Variants in DSCAM observed in about 807,000 individuals in gnomAD.
DSCAM encodes the protein DS cell adhesion molecule.
In DSCAM, 47 loss-of-function variants were observed where a neutral mutation model predicts 217.7. The ratio of observed to expected loss-of-function variants is 0.22; its 90% CI spans 0.17 to 0.28. The LOEUF is 0.28. Among genes scored for constraint, DSCAM ranks in the 10% least tolerant of loss-of-function variants. The pLI is 1.00. For missense variants in DSCAM, 2,080 were observed against 2,618.3 expected (o/e 0.79, Z 4.49); for synonymous variants, 1,056 against 1,015.3 (o/e 1.04, Z -0.76).
At chr21:40,349,312 G>T (rs1013951855) in intron 5 of DSCAM, among the ~76,000 whole-genome samples, 2 of 150,770 alleles carry the variant, frequency 1.3e-5, no homozygotes, top group African/African-American at 4.9e-5. Context: ...ACACACAATT[G>T]TGAGGAAAAA....
At chr21:40,582,187 C>A (rs1336042748) in intron 3 of DSCAM, among the ~76,000 whole-genome samples, 1 of 152,140 alleles carries the variant, frequency 6.6e-6, no homozygotes, top group African/African-American at 2.4e-5. Context: ...ATCCATAAAT[C>A]AGTTCTTCTT....
chr21:40,671,506 C>T (rs536308688), intron 3 of DSCAM, among the ~76,000 whole-genome samples: 1 of 151,480 alleles, frequency 6.6e-6, no homozygotes. Flanking sequence ...AAACTCCCCC[C>T]CCGCACCGTC....
intron 3 of DSCAM, among the ~76,000 whole-genome samples, chr21:40,596,869 C>CAT (rs3070786): frequency 0.13 from 19,178 of 150,788 alleles, 1,303 homozygotes; most frequent in South Asian, 0.23. Flanking sequence ...ACAAATATTT[C>CAT]ATATATATAT....
chr21:40,781,166 G>A (rs1157962484), intron 1 of DSCAM, among the ~76,000 whole-genome samples: 1 of 151,874 alleles, frequency 6.6e-6, no homozygotes, highest in African/African-American at 2.4e-5. Flanking sequence ...GTGCCACCAT[G>A]CCCGGGTAAT....
intron 11 of DSCAM, among the ~76,000 whole-genome samples, chr21:40,262,157 T>G (rs557826038): frequency 6.6e-6 from 1 of 152,250 alleles, no homozygotes; most frequent in Admixed American, 6.5e-5. Flanking sequence ...AGAATAAAAC[T>G]TACCTTGCTA....
At chr21:40,630,535 G>C (rs1490045236) in intron 3 of DSCAM, 4 of 152,184 alleles carry the variant, frequency 2.6e-5, no homozygotes, top group Non-Finnish European at 5.9e-5. Flanking sequence ...CTGACCTCAA[G>C]TGATTCTCCC....
chr21:40,029,808 G>A (rs1489486830), intron 32 of DSCAM, among the ~76,000 whole-genome samples: 1 of 152,058 alleles, frequency 6.6e-6, no homozygotes, highest in Admixed American at 6.5e-5. Context: ...CCCACCCCCA[G>A]CTTCACTTAC....
intron 1 of DSCAM, among the ~76,000 whole-genome samples, chr21:40,755,368 C>T (rs1227834064): frequency 6.6e-6 from 1 of 152,148 alleles, no homozygotes; most frequent in African/African-American, 2.4e-5. Flanking sequence ...ATTGCTTGAA[C>T]CCGGGAGGCA....
intron 1 of DSCAM, among the ~76,000 whole-genome samples, chr21:40,715,957 G>T (rs1332992391): frequency 6.6e-6 from 1 of 152,100 alleles, no homozygotes; most frequent in African/African-American, 2.4e-5. Context: ...AAGAAACATT[G>T]CTTAATTAAA....
rs186846361 is a variant in DSCAM at position 40,842,771 on chromosome 21, C to A, written c.43+3848G>T. Among the ~76,000 whole-genome samples, 35 of 152,280 alleles carry A rather than the reference C, an allele frequency of 2.3e-4. 1 individual carries two copies. Among genetic ancestry groups the A allele is most frequent in the Middle Eastern group, 3.4e-3 (1 of 294 alleles). On this transcript the variant is annotated intron_variant, in intron 1 of 32. Coordinates refer to ENST00000400454, the MANE Select transcript of DSCAM (RefSeq NM_001389.5). ...GTTCCCCTACCAGAATGCTGTATTG[C>A]GCTGGTTCTGCCCCCCGTGACTCAC... is the stretch of plus-strand genomic sequence containing the variant.
intron 3 of DSCAM, chr21:40,618,591 G>A (rs1007713154): frequency 6.6e-6 from 1 of 151,834 alleles, no homozygotes; most frequent in Non-Finnish European, 1.5e-5. Flanking sequence ...GTTCCTAAAA[G>A]TCAGAGGGTA....
chr21:40,529,060 C>T (rs1268450146), intron 3 of DSCAM, among the ~76,000 whole-genome samples: 9 of 151,842 alleles, frequency 5.9e-5, no homozygotes, highest in Non-Finnish European at 1.2e-4. Context: ...CGTGCCACCA[C>T]CCCCGGCTAA....
At chr21:40,263,548 G>A (rs1262689966) in intron 11 of DSCAM, among the ~76,000 whole-genome samples, 1 of 152,166 alleles carries the variant, frequency 6.6e-6, no homozygotes, top group Admixed American at 6.5e-5. Context: ...AAATCTCTGG[G>A]ATACAGCAAA....
intron 3 of DSCAM, among the ~76,000 whole-genome samples, chr21:40,676,005 AT>A (rs1300193140): frequency 6.6e-6 from 1 of 152,200 alleles, no homozygotes; most frequent in African/African-American, 2.4e-5. Flanking sequence ...CTATGAATAT[AT>A]TTTTCCCACC....
At chr21:40,123,238 G>T (rs2090054845) in intron 20 of DSCAM, among the ~76,000 whole-genome samples, 1 of 152,138 alleles carries the variant, frequency 6.6e-6, no homozygotes. Flanking sequence ...ACAACGTGAA[G>T]GTATGTAATA....
intron 3 of DSCAM, among the ~76,000 whole-genome samples, chr21:40,496,708 A>G (rs1018424360): frequency 1.3e-5 from 2 of 152,094 alleles, no homozygotes; most frequent in Admixed American, 6.6e-5. Context: ...AAGAGAACCT[A>G]TGGAATAAGA....
At chr21:40,228,889 T>C (rs1429554913) in intron 11 of DSCAM, among the ~76,000 whole-genome samples, 1 of 152,212 alleles carries the variant, frequency 6.6e-6, no homozygotes, top group Non-Finnish European at 1.5e-5. Flanking sequence ...AAAATGTGTG[T>C]ATACTAACAC....
intron 10 of DSCAM, among the ~76,000 whole-genome samples, chr21:40,295,808 A>T (rs1323892487): frequency 1.3e-5 from 2 of 152,200 alleles, no homozygotes; most frequent in African/African-American, 4.8e-5. Flanking sequence ...AACAATCTAC[A>T]CAAAAGACTT....
chr21:40,550,548 A>G (rs1314641839), intron 3 of DSCAM, among the ~76,000 whole-genome samples: 2 of 152,146 alleles, frequency 1.3e-5, no homozygotes, highest in East Asian at 1.9e-4. Context: ...TTTTTCCTCA[A>G]AATTGCCACC....
Sources: allele counts gnomAD v4.1 joint callset (sites outside exome capture counted in the v4.1 genomes callset), GRCh38; gene constraint gnomAD v4.1.1; transcripts MANE v1.5; gene names NCBI Gene and HGNC (gene_info 2026-07-23, HGNC 2026-07-21).